Variants in ZNF77 observed in about 807,000 individuals in gnomAD.
The protein encoded by ZNF77 is ZNFpT1.
In ZNF77, 15 loss-of-function variants were observed where a neutral mutation model predicts 13.5. The observed-to-expected ratio is 1.11, with a 90% CI of 0.74 to 1.71. ZNF77 has a LOEUF of 1.71. Ranked by LOEUF, ZNF77 falls within the 40% of genes most tolerant of loss-of-function variation. The pLI is 0.00. For synonymous variants in ZNF77, 282 were observed against 250.0 expected (o/e 1.13, Z -1.21); for missense variants, 717 against 676.4 (o/e 1.06, Z -0.67).
intron 1 of ZNF77, among the ~76,000 whole-genome samples, chr19:2,941,389 A>T (rs2144969147): frequency 6.6e-6 from 1 of 152,106 alleles, no homozygotes; most frequent in Admixed American, 6.6e-5. Context: ...GAGGCAGGAA[A>T]ATCACTTAAA....
At chr19:2,937,646 C>G (rs1321634084) in intron 2 of ZNF77, among the ~76,000 whole-genome samples, 1 of 152,154 alleles carries the variant, frequency 6.6e-6, no homozygotes, top group East Asian at 1.9e-4. Context: ...AATCCAGAGG[C>G]TTTCCCCTGC....
Position 2,933,496 on chromosome 19 carries a change from C to T in ZNF77, c.1631G>A (p.Gly544Glu). 1 of 1,561,596 alleles carries T rather than the reference C, an allele frequency of 6.4e-7. No individual in the cohort carries two copies. The highest frequency in any genetic ancestry group is 8.7e-7 in the Non-Finnish European group (1 of 1,150,496). The change falls in exon 4 of 4, where the codon GGA becomes GAA. Residue 544 changes from glycine to glutamate, a missense_variant. Coordinates refer to ENST00000314531, the MANE Select transcript of ZNF77 (RefSeq NM_021217.3). The stretch of plus-strand genomic sequence containing the variant: ...TCCACTGTATTCGTAGATTCACGCT[C>T]CAGCATGTGTTCTCACATGTGCTTG... ...SLQAHVRTHA[G>E]A
At position 2,933,254 on chromosome 19, in the gene ZNF77, A is replaced by G. The variant is rs1459190489; in HGVS notation, c.*235T>C. ...AAAACAGGATATTTATTAAATGTTTATATCACAAACATACACTAGAAATTA... is the reference window on the plus strand; with the variant it reads ...AAAACAGGATATTTATTAAATGTTTGTATCACAAACATACACTAGAAATTA... On this transcript the variant is annotated 3_prime_UTR_variant, in exon 4 of 4. Transcript: ENST00000314531. 45 of 410,390 alleles carry G rather than the reference A, an allele frequency of 1.1e-4. No homozygotes were observed. The highest frequency in any genetic ancestry group is 1.0e-3 in the Admixed American group (26 of 25,160). The allele number at this position is 410,390 out of a possible 1,614,324, so 25.4% of individuals were successfully genotyped here.
intron 1 of ZNF77, among the ~76,000 whole-genome samples, chr19:2,943,591 T>C (rs1439361642): frequency 1.3e-5 from 2 of 151,932 alleles, no homozygotes; most frequent in African/African-American, 4.8e-5. Context: ...AAACCTTTTC[T>C]TGTGTATGAA....
At chr19:2,943,207 A>G (rs917048631) in intron 1 of ZNF77, among the ~76,000 whole-genome samples, 4 of 149,980 alleles carry the variant, frequency 2.7e-5, no homozygotes, top group African/African-American at 9.8e-5. Context: ...CCTGTTGCTT[A>G]TACCCCCACC....
intron 1 of ZNF77, among the ~76,000 whole-genome samples, chr19:2,942,866 GC>G (rs2144971307): frequency 6.6e-6 from 1 of 152,218 alleles, no homozygotes; most frequent in East Asian, 1.9e-4. Flanking sequence ...TGCAACCTCT[GC>G]CTCCCGAGTT....
intron 1 of ZNF77, among the ~76,000 whole-genome samples, chr19:2,940,367 A>T (rs2088438238): frequency 6.6e-6 from 1 of 151,930 alleles, no homozygotes; most frequent in African/African-American, 2.4e-5. Context: ...CTACCAAAAA[A>T]AAAAAGGCTA....
At chr19:2,941,636 A>C (rs935650837) in intron 1 of ZNF77, among the ~76,000 whole-genome samples, 4 of 152,132 alleles carry the variant, frequency 2.6e-5, no homozygotes, top group African/African-American at 9.7e-5. Flanking sequence ...TTAGGGTCTC[A>C]TGCAGAAAAC....
intron 1 of ZNF77, among the ~76,000 whole-genome samples, chr19:2,940,952 A>G (rs1040498469): frequency 9.9e-5 from 15 of 151,986 alleles, no homozygotes; most frequent in Non-Finnish European, 8.8e-5. Context: ...AGGTGGGAGG[A>G]CTGTTTGAGC....
rs768051758 is a variant in ZNF77, at chr19:2,934,652, T to C, written c.475A>G (p.Thr159Ala). Residue 159 changes from threonine (T) to alanine (A), a missense_variant, in exon 4 of 4, where the codon ACT becomes GCT. Physicochemically the swap from Thr to Ala is moderately conservative, Grantham distance 58 (BLOSUM62 0). Transcript: ENST00000314531. ...CATTCCTTACACGGTCTCTGTCCAG[T>C]GTGAGATCTCTGCCGATTCTCGAAG... is the stretch of plus-strand genomic sequence containing the variant. ...KAFENRQRSH[T>A]GQRPCKECGQ... is the part of the protein sequence containing the mutation. The C allele has an allele frequency of 6.2e-7, 1 of 1,614,084 alleles. No homozygotes were observed. The highest frequency in any genetic ancestry group is 1.3e-5 in the African/African-American group (1 of 74,932).
rs770788196 is a variant in ZNF77, at chr19:2,934,797, G to A, written c.330C>T (p.Leu110=). ...QRHLRSQLGR[L]CESNEGHQCG... is the part of the protein sequence containing the mutation. ...ATTGATGACCTTCATTACTTTCACA[G>A]AGTCTCCCCAGCTGACTTCTGTTCA... Residue 110 remains leucine, a synonymous_variant, in exon 4 of 4, where the codon CTC becomes CTT. Coordinates refer to ENST00000314531, the MANE Select transcript of ZNF77 (RefSeq NM_021217.3). 2 of 1,609,302 alleles carry A rather than the reference G, an allele frequency of 1.2e-6. No individual in the cohort carries two copies. Among genetic ancestry groups the A allele is most frequent in the East Asian group, 2.2e-5 (1 of 44,736 alleles).
chr19:2,933,631 T>C lies in ZNF77; in HGVS notation c.1496A>G (p.Lys499Arg), dbSNP rs774095096. The change falls in exon 4 of 4, where the codon AAA (lysine) becomes AGA (arginine). Residue 499 changes from lysine to arginine, a missense_variant. Lys to Arg is a conservative substitution (Grantham distance 26). Transcript: ENST00000314531. ...AAGGGACGAGGAACAACTGTAGGCTTTCCCACATTCAGTACATTCGTAGGG... is the reference window on the plus strand; with the variant it reads ...AAGGGACGAGGAACAACTGTAGGCTCTCCCACATTCAGTACATTCGTAGGG... Reference protein sequence around the residue: ...VKPYECTECGKAYSCSSSLRV... With the variant: ...VKPYECTECGRAYSCSSSLRV... 4 of 1,614,044 alleles carry C rather than the reference T, an allele frequency of 2.5e-6. No homozygotes were observed. The highest frequency in any genetic ancestry group is 2.5e-6 in the Non-Finnish European group (3 of 1,179,918).
In ZNF77 at chr19:2,934,152, C is replaced by A. The variant is rs542089630; in HGVS notation, c.975G>T (p.Gln325His). Residue 325 changes from glutamine to histidine, a missense_variant, in exon 4 of 4, where the codon CAG (glutamine) becomes CAT (histidine). Coordinates refer to ENST00000314531, the MANE Select transcript of ZNF77 (RefSeq NM_021217.3). The part of the protein sequence containing the change: ...VRTHTGEKPC[Q>H]CKHCGKAFTC... ...TGAACGCTTTTCCGCAATGTTTACA[C>A]TGACAGGGTTTCTCTCCAGTGTGCG... 6.8e-6 allele frequency: 11 copies of A among 1,613,774 alleles called. No individual in the cohort carries two copies. In the East Asian group the frequency reaches 2.5e-4, roughly 36 times the overall value.
At chr19:2,937,891 G>A (rs1431742967) in intron 2 of ZNF77, among the ~76,000 whole-genome samples, 1 of 152,048 alleles carries the variant, frequency 6.6e-6, no homozygotes, top group Non-Finnish European at 1.5e-5. Flanking sequence ...CGAGTAGCTG[G>A]GATTACAGGC....
rs768664746 is a variant in ZNF77, at chr19:2,936,540, G to A, written c.295C>T (p.Pro99Ser). The change falls in exon 3 of 4, where the codon CCA becomes TCA. Residue 99 changes from proline (P) to serine (S), a missense_variant. Transcript: ENST00000314531. ...GCCACTCACCTCAGATGCCTCTGTG[G>A]GATTTGGTGCTGATCTCCAGTGTTA... is the stretch of plus-strand genomic sequence containing the variant. ...FDNTGDQHQI[P>S]QRHLRSQLGR... 12 of 1,602,376 alleles carry A rather than the reference G, an allele frequency of 7.5e-6. No homozygotes were observed. The highest frequency in any genetic ancestry group is 9.3e-6 in the Non-Finnish European group (11 of 1,176,776).
Position 2,934,158 on chromosome 19 carries a change from G to C in ZNF77, c.969C>G (p.Pro323=). 1 of 1,613,814 alleles carries C rather than the reference G, an allele frequency of 6.2e-7. No homozygotes were observed. The highest frequency in any genetic ancestry group is 1.1e-5 in the South Asian group (1 of 91,032). Residue 323 remains proline, a synonymous_variant, in exon 4 of 4, where the codon CCC becomes CCG. Coordinates refer to ENST00000314531, the MANE Select transcript of ZNF77 (RefSeq NM_021217.3). ...CTTTTCCGCAATGTTTACACTGACA[G>C]GGTTTCTCTCCAGTGTGCGTCCTCA... is the stretch of plus-strand genomic sequence containing the variant. ...DHVRTHTGEK[P]CQCKHCGKAF...
chr19:2,933,934 T>A lies in ZNF77; in HGVS notation c.1193A>T (p.His398Leu), dbSNP rs764019907. 9.9e-6 allele frequency: 16 copies of A among 1,613,762 alleles called. No homozygotes were observed. The highest frequency in any genetic ancestry group is 1.7e-5 in the Admixed American group (1 of 59,958). The part of the protein sequence containing the change: ...AFGCPTYFRR[H>L]VKTHSGVKPY... Reference sequence around the variant, plus strand: ...CTTCACCCCGCTGTGTGTTTTCACATGTCTTCTAAAGTAAGTGGGACATCC... The same window carrying A: ...CTTCACCCCGCTGTGTGTTTTCACAAGTCTTCTAAAGTAAGTGGGACATCC... The change falls in exon 4 of 4, where the codon CAT becomes CTT. Residue 398 changes from histidine to leucine, a missense_variant. Transcript: ENST00000314531.
In ZNF77 at chr19:2,934,152, C is replaced by T; in HGVS notation, c.975G>A (p.Gln325=). The T allele has an allele frequency of 6.2e-7, 1 of 1,613,774 alleles. No homozygotes were observed. Among genetic ancestry groups the T allele is most frequent in the South Asian group, 1.1e-5 (1 of 91,032 alleles). Residue 325 remains glutamine (Q), a synonymous_variant, in exon 4 of 4, where the codon CAG becomes CAA. Coordinates refer to ENST00000314531, the MANE Select transcript of ZNF77 (RefSeq NM_021217.3). ...TGAACGCTTTTCCGCAATGTTTACA[C>T]TGACAGGGTTTCTCTCCAGTGTGCG... ...VRTHTGEKPC[Q]CKHCGKAFTC...
At chr19:2,935,220 G>A (rs867629976) in intron 3 of ZNF77, among the ~76,000 whole-genome samples, 43 of 150,768 alleles carry the variant, frequency 2.9e-4, no homozygotes, top group African/African-American at 9.0e-4. Context: ...AGGTTTCACC[G>A]TGTTAGCCAG....
Sources: gnomAD v4.1 joint callset for allele counts (sites outside exome capture counted in the v4.1 genomes callset) on GRCh38, gnomAD v4.1.1 for gene constraint, MANE v1.5 for transcripts, NCBI Gene and HGNC (gene_info 2026-07-23, HGNC 2026-07-21) for gene names.